ACSL1: variants seen among roughly 807,000 people sequenced by gnomAD.
ACSL1 encodes the protein long-chain-fatty-acid--CoA ligase 1.
In ACSL1, 41 loss-of-function variants were observed where a neutral mutation model predicts 98.4. That is an observed-to-expected ratio of 0.42 (90% CI 0.32 to 0.54). The LOEUF is 0.54. ACSL1 is among the 20% of genes least tolerant of loss of function. The probability of loss-of-function intolerance (pLI) is 0.13; values close to 1 mark genes in which losing one functional copy is unlikely to be tolerated. For synonymous variants in ACSL1, 316 were observed against 322.7 expected, an observed-to-expected ratio of 0.98 and a Z score of 0.22; for missense variants, 734 against 883.1, an observed-to-expected ratio of 0.83 and a Z score of 2.14.
rs1176313539 is a variant in ACSL1, at chr4:184,773,198, A to G, written c.842-44T>C. ...GCAGAACAAAGTTAAAGAATGACAG[A>G]AATGAAGGAGGCCCAGAAACCTCAC... On this transcript the variant is annotated intron_variant, in intron 9 of 20. Coordinates refer to ENST00000281455, the MANE Select transcript of ACSL1 (RefSeq NM_001995.5). This position sits in a 1 kb window ranked among gnomAD's most constrained non-coding sequence, Gnocchi z 4.3. 1 of 1,562,722 alleles carries G rather than the reference A, an allele frequency of 6.4e-7. No individual in the cohort carries two copies. The highest frequency in any genetic ancestry group is 1.7e-5 in the Admixed American group (1 of 59,522).
intron 5 of ACSL1, among the ~76,000 whole-genome samples, chr4:184,777,393 G>A (rs548886301): frequency 3.9e-5 from 6 of 152,188 alleles, no homozygotes; most frequent in African/African-American, 1.4e-4. Context: ...AGGAGGTTGA[G>A]GCTGCAGTGA....
chr4:184,819,423 G>A (rs147940235), intron 1 of ACSL1, among the ~76,000 whole-genome samples: 2 of 152,130 alleles, frequency 1.3e-5, no homozygotes, highest in South Asian at 2.1e-4. Context: ...GATTACAGGC[G>A]TGAGCTACCA....
At position 184,805,412 on chromosome 4, in the gene ACSL1, AAC is replaced by A. The variant is rs1294925692; in HGVS notation, c.-32-1868_-32-1867del. 1.5e-5 allele frequency: 14 copies of A among 909,230 alleles called. No individual in the cohort carries two copies. In the Middle Eastern group the frequency reaches 2.2e-3, roughly 146 times the overall value. 56.3% of individuals were successfully genotyped at this position (909,230 alleles called of 1,614,324 possible). ...GTACTCACTCACACACACACACACA[AAC>A]ACACACACGAAATTTCAAGGTTTAC... On this transcript the variant is annotated intron_variant, in intron 1 of 20. Coordinates refer to ENST00000281455, the MANE Select transcript of ACSL1 (RefSeq NM_001995.5).
rs768630298 is a variant in ACSL1 at position 184,764,928 on chromosome 4, G to A, written c.1360-3C>T. On this transcript the variant is annotated splice_polypyrimidine_tract_variant and splice_region_variant and intron_variant, in intron 14 of 20. Transcript: ENST00000281455. ...GTCTGTCCGTATCCTTCATAAAACTGGGGCACCAAGAGATGCAACATTATT... is the reference window on the plus strand; with the variant it reads ...GTCTGTCCGTATCCTTCATAAAACTAGGGCACCAAGAGATGCAACATTATT... The A allele has an allele frequency of 1.2e-6, 2 of 1,613,306 alleles. No individual in the cohort carries two copies. The highest frequency in any genetic ancestry group is 4.5e-5 in the East Asian group (2 of 44,862).
chr4:184,808,368 C>T, intron 1 of ACSL1: 1 of 985,438 alleles, frequency 1.0e-6, no homozygotes. Flanking sequence ...TTCTAAAGTT[C>T]CTCAAGCTTT....
At position 184,770,492 on chromosome 4, in the gene ACSL1, C is replaced by A; in HGVS notation, c.916-16G>T. The A allele has an allele frequency of 1.2e-6, 2 of 1,605,786 alleles. No homozygotes were observed. Among genetic ancestry groups the A allele is most frequent in the Non-Finnish European group, 1.7e-6 (2 of 1,175,148 alleles). On this transcript the variant is annotated splice_polypyrimidine_tract_variant and intron_variant, in intron 10 of 20. Coordinates refer to ENST00000281455, the MANE Select transcript of ACSL1 (RefSeq NM_001995.5). ...TGACTGTATTCTGTAAGCAAAGACA[C>A]CAGCAAGGCAGAAAAGCATTAAGAC...
In ACSL1 at chr4:184,777,577, A is replaced by G. The variant is rs6552822; in HGVS notation, c.478-594T>C. Among the ~76,000 whole-genome samples the G allele has an allele frequency of 4.3e-3, 660 of 152,042 alleles. 6 individuals are homozygous for G. The highest frequency in any genetic ancestry group is 0.015 in the African/African-American group (639 of 41,464). On this transcript the variant is annotated intron_variant, in intron 5 of 20. Coordinates refer to ENST00000281455, the MANE Select transcript of ACSL1 (RefSeq NM_001995.5). ...GGAGAGATTGAGAAAGAAAAGAAAAAAGGAAGGAAAGGAAAGGAGAGAAAG... is the reference window on the plus strand; with the variant it reads ...GGAGAGATTGAGAAAGAAAAGAAAAGAGGAAGGAAAGGAAAGGAGAGAAAG...
intron 18 of ACSL1, 137 bp from the exon 19 acceptor site, chr4:184,758,057 C>T (rs189516940): frequency 1.3e-6 from 1 of 784,682 alleles, no homozygotes; most frequent in African/African-American, 1.7e-5. Context: ...CATACTACCC[C>T]CCTCCCCCAG....
Position 184,776,474 on chromosome 4 carries a change from G to C in ACSL1, c.756+10C>G, listed in dbSNP as rs1311207405. The C allele has an allele frequency of 6.2e-7, 1 of 1,608,324 alleles. No homozygotes were observed. The highest frequency in any genetic ancestry group is 8.5e-7 in the Non-Finnish European group (1 of 1,177,574). On this transcript the variant is annotated intron_variant, in intron 7 of 20. Coordinates refer to ENST00000281455, the MANE Select transcript of ACSL1 (RefSeq NM_001995.5). ...AGCCTTCAGAGAAGGGAAGGAGGCA[G>C]GGCACTCACCTCCATCGCCTTCATG...
At position 184,773,126 on chromosome 4, in the gene ACSL1, G is replaced by A. The variant is rs1764749337; in HGVS notation, c.870C>T (p.His290=). ...CTGAACAATCGCTCACTATGTTTCG[G>A]TGAGTGACCATTGCTCCTTTGGGGT... ...TGNPKGAMVT[H]RNIVSDCSAF... Residue 290 remains histidine (H), a synonymous_variant, in exon 10 of 21, where the codon CAC becomes CAT. Transcript: ENST00000281455. This position sits in a 1 kb window ranked among gnomAD's most constrained non-coding sequence, Gnocchi z 4.3. 6.2e-7 allele frequency: 1 copy of A among 1,614,004 alleles called. No homozygotes were observed. Among genetic ancestry groups the A allele is most frequent in the South Asian group, 1.1e-5 (1 of 91,080 alleles).
rs755681620 is a variant in ACSL1, at chr4:184,773,189, G to C, written c.842-35C>G. Reference sequence around the variant, plus strand: ...ACATATGAAGCAGAACAAAGTTAAAGAATGACAGAAATGAAGGAGGCCCAG... The same window carrying C: ...ACATATGAAGCAGAACAAAGTTAAACAATGACAGAAATGAAGGAGGCCCAG... On this transcript the variant is annotated intron_variant, in intron 9 of 20. Transcript: ENST00000281455. The surrounding 1 kb of genome is among the most constrained non-coding windows in gnomAD (Gnocchi z 4.3). The C allele has an allele frequency of 6.3e-7, 1 of 1,580,334 alleles. No individual in the cohort carries two copies. The highest frequency in any genetic ancestry group is 1.1e-5 in the South Asian group (1 of 90,076).
chr4:184,780,677 A>G (rs886081058), intron 4 of ACSL1, among the ~76,000 whole-genome samples: 2 of 152,186 alleles, frequency 1.3e-5, no homozygotes, highest in East Asian at 1.9e-4. Flanking sequence ...TCTTATCCCA[A>G]TGGCTGCAGG....
chr4:184,794,631 C>A (rs1374300318), intron 2 of ACSL1, among the ~76,000 whole-genome samples: 1 of 152,194 alleles, frequency 6.6e-6, no homozygotes, highest in Non-Finnish European at 1.5e-5. Flanking sequence ...GGGCTGCTTC[C>A]CTTCTCAGTC....
intron 3 of ACSL1, among the ~76,000 whole-genome samples, chr4:184,784,282 C>G (rs1766841492): frequency 6.6e-6 from 1 of 152,182 alleles, no homozygotes; most frequent in Admixed American, 6.5e-5. Flanking sequence ...CTCTTTAACA[C>G]CCTACTGGTT....
chr4:184,815,046 A>C, intron 1 of ACSL1: 1 of 456,294 alleles, frequency 2.2e-6, no homozygotes, highest in Non-Finnish European at 4.4e-6. Flanking sequence ...GAAGACAAAC[A>C]CACCTGCAAG....
At chr4:184,815,760 G>A (rs993248622) in intron 1 of ACSL1, among the ~76,000 whole-genome samples, 1 of 152,224 alleles carries the variant, frequency 6.6e-6, no homozygotes, top group Non-Finnish European at 1.5e-5. Flanking sequence ...CCTCTCACGA[G>A]TTTGGAGAAA....
intron 3 of ACSL1, among the ~76,000 whole-genome samples, chr4:184,787,635 G>C (rs1037971746): frequency 9.9e-5 from 15 of 150,928 alleles, no homozygotes; most frequent in Non-Finnish European, 2.1e-4. Context: ...AGGCCGAGGT[G>C]GGTGGATCAC....
At chr4:184,765,480 A>T (rs915494922) in intron 14 of ACSL1, among the ~76,000 whole-genome samples, 1 of 152,124 alleles carries the variant, frequency 6.6e-6, no homozygotes, top group Non-Finnish European at 1.5e-5. Context: ...AACATAACAC[A>T]CACACACAAA....
chr4:184,767,820 G>A (rs1202681421), intron 12 of ACSL1, among the ~76,000 whole-genome samples: 5 of 152,190 alleles, frequency 3.3e-5, no homozygotes, highest in Admixed American at 1.3e-4. Flanking sequence ...GATACCCACC[G>A]CAGAGGGGCT....
Sources: allele counts gnomAD v4.1 joint callset (sites outside exome capture counted in the v4.1 genomes callset), GRCh38; gene constraint gnomAD v4.1.1; non-coding constraint Gnocchi (gnomAD v3.1); transcripts MANE v1.5; gene names NCBI Gene and HGNC (gene_info 2026-07-23, HGNC 2026-07-21).